B3GALT1: variants seen among roughly 807,000 people sequenced by gnomAD.
B3GALT1 encodes UDP-Gal:betaGlcNAc beta 1,3-galactosyltransferase, polypeptide 1.
B3GALT1 carries 10 observed loss-of-function variants against 23.2 expected under a neutral mutation model. The ratio of observed to expected loss-of-function variants is 0.43; its 90% CI spans 0.27 to 0.73. The LOEUF is 0.73. B3GALT1 is among the 30% of genes least tolerant of loss of function. The pLI is 0.21. For missense variants in B3GALT1, 299 were observed against 405.4 expected (o/e 0.74, Z 2.25); for synonymous variants, 156 against 141.5 (o/e 1.10, Z -0.73).
chr2:167,705,304 GA>G (rs901123801), intron 3 of B3GALT1, among the ~76,000 whole-genome samples: 1 of 152,136 alleles, frequency 6.6e-6, no homozygotes, highest in African/African-American at 2.4e-5. Context: ...AGACCCAAAA[GA>G]AAAACTTATC....
chr2:167,848,980 A>G (rs1173097624), intron 4 of B3GALT1, among the ~76,000 whole-genome samples: 1 of 152,196 alleles, frequency 6.6e-6, no homozygotes, highest in South Asian at 2.1e-4. Flanking sequence ...CCCCTTTACA[A>G]TAGCTGCAAA....
At chr2:167,308,114 CATT>C (rs1696577880) in intron 1 of B3GALT1, among the ~76,000 whole-genome samples, 1 of 151,916 alleles carries the variant, frequency 6.6e-6, no homozygotes, top group African/African-American at 2.4e-5. Flanking sequence ...TTTTTATAGG[CATT>C]ATATTATTGA....
intron 2 of B3GALT1, among the ~76,000 whole-genome samples, chr2:167,620,822 T>A (rs1685242521): frequency 6.6e-6 from 1 of 152,142 alleles, no homozygotes; most frequent in Non-Finnish European, 1.5e-5. Context: ...ATATATTTAA[T>A]TGGCTTTCAA....
chr2:167,598,697 C>T (rs1684825004), intron 2 of B3GALT1, among the ~76,000 whole-genome samples: 1 of 152,112 alleles, frequency 6.6e-6, no homozygotes, highest in Non-Finnish European at 1.5e-5. Flanking sequence ...GTGATGTGTC[C>T]AGTATCAGTG....
intron 1 of B3GALT1, among the ~76,000 whole-genome samples, chr2:167,352,824 A>G (rs1230803072): frequency 6.6e-6 from 1 of 152,106 alleles, no homozygotes; most frequent in African/African-American, 2.4e-5. Flanking sequence ...GTCCCAGAGA[A>G]TGGTGAAATT....
intron 1 of B3GALT1, among the ~76,000 whole-genome samples, chr2:167,316,379 A>G (rs1406798900): frequency 6.6e-6 from 1 of 152,134 alleles, no homozygotes; most frequent in East Asian, 1.9e-4. Flanking sequence ...TTGTGTAAAT[A>G]TCAGTCTTGC....
At chr2:167,345,894 C>T (rs1697216961) in intron 1 of B3GALT1, among the ~76,000 whole-genome samples, 1 of 152,088 alleles carries the variant, frequency 6.6e-6, no homozygotes, top group African/African-American at 2.4e-5. Flanking sequence ...CTTCCCATAT[C>T]ATCATCTGAA....
Position 167,872,847 on chromosome 2 carries a change from C to G in B3GALT1, c.*2827C>G, listed in dbSNP as rs780154358. On this transcript the variant is annotated 3_prime_UTR_variant, in exon 5 of 5. Transcript: ENST00000392690. Reference sequence around the variant, plus strand: ...TGTATATATTTTAAAGGCATTTTTTCTTCTCCCCAACTGTATGTATAGCTA... The same window carrying G: ...TGTATATATTTTAAAGGCATTTTTTGTTCTCCCCAACTGTATGTATAGCTA... 4 of 152,106 alleles carry G rather than the reference C, an allele frequency of 2.6e-5. No individual in the cohort carries two copies. Among genetic ancestry groups the G allele is most frequent in the African/African-American group, 4.8e-5 (2 of 41,414 alleles). 9.4% of individuals were successfully genotyped at this position (152,106 alleles called of 1,614,324 possible).
intron 3 of B3GALT1, among the ~76,000 whole-genome samples, chr2:167,691,894 T>C (rs747108041): frequency 2.6e-5 from 4 of 152,140 alleles, no homozygotes; most frequent in Non-Finnish European, 5.9e-5. Flanking sequence ...CTACGAGGCA[T>C]ATTACTCGTA....
At chr2:167,557,143 C>G (rs1392105116) in intron 2 of B3GALT1, among the ~76,000 whole-genome samples, 1 of 146,472 alleles carries the variant, frequency 6.8e-6, no homozygotes, top group East Asian at 2.0e-4. Context: ...GTACATTAGT[C>G]TTTTTTTTTT....
intron 1 of B3GALT1, among the ~76,000 whole-genome samples, chr2:167,334,833 G>C (rs572707272): frequency 3.5e-4 from 54 of 152,286 alleles, no homozygotes; most frequent in African/African-American, 1.2e-3. Flanking sequence ...CAAGAATTAT[G>C]TTATAGACAT....
At chr2:167,521,990 A>G (rs1214800174) in intron 2 of B3GALT1, among the ~76,000 whole-genome samples, 22 of 137,564 alleles carry the variant, frequency 1.6e-4, no homozygotes, top group African/African-American at 4.9e-4. Context: ...GTGTGTATAT[A>G]TATATATATA....
At chr2:167,466,809 T>A in intron 1 of B3GALT1, among the ~76,000 whole-genome samples, 5 of 149,166 alleles carry the variant, frequency 3.4e-5, no homozygotes, top group Non-Finnish European at 5.9e-5. Context: ...GCCTCACGGG[T>A]TCAAGCAATT....
intron 1 of B3GALT1, among the ~76,000 whole-genome samples, chr2:167,478,832 C>T (rs550057664): frequency 6.7e-4 from 102 of 151,880 alleles, no homozygotes; most frequent in African/African-American, 2.4e-3. Context: ...GTTTTTTGTC[C>T]TTGTGATAGT....
chr2:167,577,518 T>A (rs907905565), intron 2 of B3GALT1, among the ~76,000 whole-genome samples: 8 of 151,922 alleles, frequency 5.3e-5, no homozygotes, highest in African/African-American at 1.4e-4. Context: ...TTAAGAATGA[T>A]AGACAATAAG....
rs1425674192 is a variant in B3GALT1 at position 167,872,063 on chromosome 2, G to T, written c.*2043G>T. On this transcript the variant is annotated 3_prime_UTR_variant, in exon 5 of 5. Transcript: ENST00000392690. ...ACTACAGGCGCCCGCCATCACGCCC[G>T]GCTAATTTTTTTGTATTTTTAGTAG... 6.6e-6 allele frequency: 1 copy of T among 151,196 alleles called. No individual in the cohort carries two copies. The highest frequency in any genetic ancestry group is 3.4e-3 in the Middle Eastern group (1 of 294). The allele number at this position is 151,196 out of a possible 1,614,324, so 9.4% of individuals were successfully genotyped here.
At chr2:167,538,439 G>A (rs1683468230) in intron 2 of B3GALT1, among the ~76,000 whole-genome samples, 1 of 152,120 alleles carries the variant, frequency 6.6e-6, no homozygotes, top group Non-Finnish European at 1.5e-5. Flanking sequence ...GAGAATAGTA[G>A]GGTGGTTGAG....
At chr2:167,822,462 C>G (rs1689128110) in intron 4 of B3GALT1, among the ~76,000 whole-genome samples, 2 of 152,072 alleles carry the variant, frequency 1.3e-5, no homozygotes, top group African/African-American at 4.8e-5. Context: ...TATTTCATAT[C>G]TTCACATTAG....
At chr2:167,698,956 A>T (rs1037548248) in intron 3 of B3GALT1, among the ~76,000 whole-genome samples, 1 of 152,204 alleles carries the variant, frequency 6.6e-6, no homozygotes, top group Non-Finnish European at 1.5e-5. Flanking sequence ...TCCATCCCCA[A>T]AGGGAAGCCA....
Sources: allele counts gnomAD v4.1 joint callset (sites outside exome capture counted in the v4.1 genomes callset), GRCh38; gene constraint gnomAD v4.1.1; transcripts MANE v1.5; gene names NCBI Gene and HGNC (gene_info 2026-07-23, HGNC 2026-07-21).